The following MINAR2 variants were observed in gnomAD, a reference collection of about 807,000 sequenced individuals.
MINAR2 encodes the protein membrane integral NOTCH2 associated receptor 2, also known as major intrinsically disordered NOTCH2-binding receptor 1-like.
A neutral mutation model predicts 16.1 loss-of-function variants in MINAR2; 21 were observed. The ratio of observed to expected loss-of-function variants is 1.31; its 90% confidence interval spans 0.93 to 1.88. The LOEUF is 1.88. Ranked by LOEUF, MINAR2 falls within the 40% of genes most tolerant of loss-of-function variation. The probability of loss-of-function intolerance (pLI) is 0.00; values close to 1 mark genes in which losing one functional copy is unlikely to be tolerated. For synonymous variants in MINAR2, 86 were observed against 83.0 expected, an observed-to-expected ratio of 1.04 and a Z score of -0.20; for missense variants, 259 against 229.8, an observed-to-expected ratio of 1.13 and a Z score of -0.82.
Position 129,748,272 on chromosome 5 carries a change from G to A in MINAR2, c.82G>A (p.Ala28Thr). Residue 28 changes from alanine (A) to threonine (T), a missense_variant, in exon 1 of 3, where the codon GCC becomes ACC. Transcript: ENST00000564719. ...CGTAAAGTCTTTAACGAGGAGCTCA[G>A]CCCTCCTTCAGGCCAGCCTGGTGAG... ...LDVKSLTRSS[A>T]LLQASLVRFP... 6.5e-7 allele frequency: 1 copy of A among 1,535,260 alleles called. No individual in the cohort carries two copies. The highest frequency in any genetic ancestry group is 8.7e-7 in the Non-Finnish European group (1 of 1,146,582).
rs1383999805 is a variant in MINAR2, at chr5:129,760,395, T to G, written c.183T>G (p.Ile61Met). The part of the protein sequence containing the change: ...LVYSQREKKN[I>M]AAQRIRGSSA... ...CCTCTTAGAGGGAAAAGAAGAATAT[T>G]GCTGCTCAACGAATTAGGGGATCCA... The change falls in exon 2 of 3, where the codon ATT becomes ATG. Residue 61 changes from isoleucine (I) to methionine (M), a missense_variant. Coordinates refer to ENST00000564719, the MANE Select transcript of MINAR2 (RefSeq NM_001257308.2). 6.5e-7 allele frequency: 1 copy of G among 1,535,590 alleles called. No individual in the cohort carries two copies. The highest frequency in any genetic ancestry group is 2.4e-5 in the East Asian group (1 of 40,922).
In MINAR2 at chr5:129,748,220, C is replaced by T; in HGVS notation, c.30C>T (p.Asn10=). ...ATCTCTCTGTTTTGCCAAATAACAACCATCCTGACAAATTCCTGCAGCTTG... is the reference window on the plus strand; with the variant it reads ...ATCTCTCTGTTTTGCCAAATAACAATCATCCTGACAAATTCCTGCAGCTTG... MDLSVLPNN[N]HPDKFLQLDV... is the part of the protein sequence containing the mutation. The change falls in exon 1 of 3, where the codon AAC becomes AAT. Residue 10 remains asparagine (N), a synonymous_variant. Transcript: ENST00000564719. 2 of 1,535,168 alleles carry T rather than the reference C, an allele frequency of 1.3e-6. No homozygotes were observed.
intron 2 of MINAR2, among the ~76,000 whole-genome samples, chr5:129,764,054 C>T (rs1228913710): frequency 6.6e-6 from 1 of 152,160 alleles, no homozygotes; most frequent in Non-Finnish European, 1.5e-5. Flanking sequence ...ACCAAATCTA[C>T]AGCACCAAAA....
Position 129,764,913 on chromosome 5 carries a change from G to C in MINAR2, c.423G>C (p.Leu141Phe), listed in dbSNP as rs76325527. 1 of 1,332,000 alleles carries C rather than the reference G, an allele frequency of 7.5e-7. No individual in the cohort carries two copies. Among genetic ancestry groups the C allele is most frequent in the Non-Finnish European group, 9.6e-7 (1 of 1,040,944 alleles). The allele number at this position is 1,332,000 out of a possible 1,614,324, so 82.5% of individuals were successfully genotyped here. The part of the protein sequence containing the change: ...KENPNDLRFW[L>F]GDMYTPGFDT... ...ATCCTAATGACCTGCGGTTTTGGTT[G>C]GGAGACATGTACACTCCAGGTTTTG... Residue 141 changes from leucine (L) to phenylalanine (F), a missense_variant, in exon 3 of 3, where the codon TTG becomes TTC. Leu to Phe is a conservative substitution (Grantham distance 22). Coordinates refer to ENST00000564719, the MANE Select transcript of MINAR2 (RefSeq NM_001257308.2).
Position 129,766,166 on chromosome 5 carries a change from G to T in MINAR2, c.*1103G>T, listed in dbSNP as rs1393349998. On this transcript the variant is annotated 3_prime_UTR_variant, in exon 3 of 3. Transcript: ENST00000564719. ...TTCCTTCTAGAACATCCTTTCCTAAGCCCCTCATTCCCACTCTTTTCTCAT... is the reference window on the plus strand; with the variant it reads ...TTCCTTCTAGAACATCCTTTCCTAATCCCCTCATTCCCACTCTTTTCTCAT... 6.6e-6 allele frequency: 1 copy of T among 152,204 alleles called. No individual in the cohort carries two copies. Among genetic ancestry groups the T allele is most frequent in the Non-Finnish European group, 1.5e-5 (1 of 68,050 alleles). 9.4% of individuals were successfully genotyped at this position (152,204 alleles called of 1,614,324 possible).
At position 129,766,647 on chromosome 5, in the gene MINAR2, A is replaced by AAC. The variant is rs1278483799; in HGVS notation, c.*1585_*1586insCA. On this transcript the variant is annotated 3_prime_UTR_variant, in exon 3 of 3. Transcript: ENST00000564719. ...GTGAGACTTCCATAAAAAAAAAAAA[A>AAC]AAAAAAAAACAAACAAACAAACAAA... is the stretch of plus-strand genomic sequence containing the variant. 6.8e-6 allele frequency: 1 copy of AAC among 146,562 alleles called. No individual in the cohort carries two copies. The highest frequency in any genetic ancestry group is 2.6e-5 in the African/African-American group (1 of 38,732). 9.1% of individuals were successfully genotyped at this position (146,562 alleles called of 1,614,324 possible). A position where few individuals can be genotyped will look rare whatever the true frequency, so the allele number is the denominator to read the frequency against.
intron 2 of MINAR2, among the ~76,000 whole-genome samples, chr5:129,761,755 T>C (rs1758138680): frequency 6.6e-6 from 1 of 152,204 alleles, no homozygotes; most frequent in African/African-American, 2.4e-5. Flanking sequence ...CAGACATTTC[T>C]TGACTGTATG....
intron 1 of MINAR2, among the ~76,000 whole-genome samples, chr5:129,755,285 G>A (rs1047247426): frequency 6.6e-6 from 1 of 152,046 alleles, no homozygotes; most frequent in African/African-American, 2.4e-5. Context: ...GTGTATAAGA[G>A]AAATTGGCTT....
At position 129,748,151 on chromosome 5, in the gene MINAR2, C is replaced by A; in HGVS notation, c.-40C>A. The A allele has an allele frequency of 6.6e-7, 1 of 1,523,750 alleles. No individual in the cohort carries two copies. The highest frequency in any genetic ancestry group is 8.8e-7 in the Non-Finnish European group (1 of 1,138,720). 94.4% of individuals were successfully genotyped at this position (1,523,750 alleles called of 1,614,324 possible). A position where few individuals can be genotyped will look rare whatever the true frequency, so the allele number is the denominator to read the frequency against. On this transcript the variant is annotated 5_prime_UTR_variant, in exon 1 of 3. Coordinates refer to ENST00000564719, the MANE Select transcript of MINAR2 (RefSeq NM_001257308.2). ...TAATGGAGGAGTCTGACAAGAGCAG[C>A]TTTGCCTGTCTTTGTTTTCCACTGT... is the stretch of plus-strand genomic sequence containing the variant.
intron 1 of MINAR2, among the ~76,000 whole-genome samples, chr5:129,755,196 T>TGTTTTGTGG (rs1201134768): frequency 6.6e-6 from 1 of 152,142 alleles, no homozygotes; most frequent in Non-Finnish European, 1.5e-5. Context: ...GGTAAAAATC[T>TGTTTTGTGG]GTTTTATCTT....
rs1009881501 is a variant in MINAR2 at position 129,760,620 on chromosome 5, G to C, written c.393+15G>C. On this transcript the variant is annotated intron_variant, in intron 2 of 2. Transcript: ENST00000564719. ...GACATCTGAAGGTACTCACGACTAA[G>C]AGTCAACCTCTTCAACTGATAAGGG... 6.6e-7 allele frequency: 1 copy of C among 1,512,316 alleles called. No individual in the cohort carries two copies. The allele number at this position is 1,512,316 out of a possible 1,614,324, so 93.7% of individuals were successfully genotyped here.
chr5:129,755,911 T>C (rs947129331), intron 1 of MINAR2, among the ~76,000 whole-genome samples: 2 of 152,122 alleles, frequency 1.3e-5, no homozygotes, highest in Admixed American at 1.3e-4. Flanking sequence ...CTTAATACCT[T>C]ATTAATTTTC....
chr5:129,748,372 CAAAA>C lies in MINAR2; in HGVS notation c.165+19_165+22del. 6.5e-7 allele frequency: 1 copy of C among 1,527,602 alleles called. No individual in the cohort carries two copies. Among genetic ancestry groups the C allele is most frequent in the Admixed American group, 2.0e-5 (1 of 49,184 alleles). The allele number at this position is 1,527,602 out of a possible 1,614,324, so 94.6% of individuals were successfully genotyped here. A position where few individuals can be genotyped will look rare whatever the true frequency, so the allele number is the denominator to read the frequency against. Reference sequence around the variant, plus strand: ...TACTCACAGGTAAGATCTAGGGGCACAAAAATACGGGGATGGAGGCTTGTTTCTT... The same window carrying C: ...TACTCACAGGTAAGATCTAGGGGCACATACGGGGATGGAGGCTTGTTTCTT... On this transcript the variant is annotated intron_variant, in intron 1 of 2. Coordinates refer to ENST00000564719, the MANE Select transcript of MINAR2 (RefSeq NM_001257308.2).
intron 1 of MINAR2, among the ~76,000 whole-genome samples, chr5:129,750,871 A>C (rs998517211): frequency 6.6e-6 from 1 of 151,924 alleles, no homozygotes; most frequent in African/African-American, 2.4e-5. Flanking sequence ...GCGTGACTAA[A>C]CCAAGCAGTA....
rs1337264682 is a variant in MINAR2 at position 129,762,641 on chromosome 5, C to T, written c.393+2036C>T. The T allele has an allele frequency of 1.4e-5, 4 of 293,478 alleles. No individual in the cohort carries two copies. The South Asian group carries it at 1.8e-4, about 13-fold the overall frequency. The allele number at this position is 293,478 out of a possible 1,614,324, so 18.2% of individuals were successfully genotyped here. On this transcript the variant is annotated intron_variant, in intron 2 of 2. Transcript: ENST00000564719. ...GTTTTCTGATAATCCCATGTTATTA[C>T]TTCCGTGCTTCTTTATTTCTTCTTC...
intron 1 of MINAR2, among the ~76,000 whole-genome samples, chr5:129,748,946 G>T (rs1341238360): frequency 6.6e-6 from 1 of 152,178 alleles, no homozygotes; most frequent in East Asian, 1.9e-4. Context: ...AGGTGTCCAT[G>T]TGGACAAGGA....
intron 1 of MINAR2, among the ~76,000 whole-genome samples, chr5:129,755,171 A>G (rs527668788): frequency 3.3e-5 from 5 of 152,230 alleles, no homozygotes; most frequent in Non-Finnish European, 5.9e-5. Context: ...TCCTGTTGGT[A>G]TAACATCTTT....
chr5:129,762,313 T>C (rs886650776), intron 2 of MINAR2, among the ~76,000 whole-genome samples: 1 of 152,218 alleles, frequency 6.6e-6, no homozygotes, highest in Non-Finnish European at 1.5e-5. Flanking sequence ...TTGCCAATAC[T>C]GGTTACTTTT....
chr5:129,761,770 G>A (rs1758138842), intron 2 of MINAR2, among the ~76,000 whole-genome samples: 1 of 152,014 alleles, frequency 6.6e-6, no homozygotes, highest in Non-Finnish European at 1.5e-5. Flanking sequence ...TGTATGTTAG[G>A]GCCTCTTCCT....
Sources: allele counts gnomAD v4.1 joint callset (sites outside exome capture counted in the v4.1 genomes callset), GRCh38; gene constraint gnomAD v4.1.1; transcripts MANE v1.5; gene names NCBI Gene and HGNC (gene_info 2026-07-23, HGNC 2026-07-21).